The following KCNH1 variants were observed in gnomAD, a reference collection of about 807,000 sequenced individuals.
The protein encoded by KCNH1 is potassium voltage-gated channel subfamily H member 1, also known as voltage-gated delayed rectifier potassium channel KCNH1.
Under a neutral mutation model 69.2 loss-of-function variants are expected in KCNH1, and 27 were observed. The ratio of observed to expected loss-of-function variants is 0.39; its 90% CI spans 0.29 to 0.54. The LOEUF (loss-of-function observed/expected upper bound fraction) is 0.54. Among genes scored for constraint, KCNH1 ranks in the 20% least tolerant of loss-of-function variants. KCNH1 has a pLI of 0.68. For synonymous variants in KCNH1, 456 were observed against 487.7 expected (o/e 0.93, Z 0.86); for missense variants, 798 against 1,261.6 (o/e 0.63, Z 5.57).
At chr1:211,056,732 G>C (rs1690316565) in intron 5 of KCNH1, among the ~76,000 whole-genome samples, 1 of 152,230 alleles carries the variant, frequency 6.6e-6, no homozygotes, top group Non-Finnish European at 1.5e-5. Context: ...AATAAGGGAA[G>C]AGAATAAGTA....
At position 210,818,334 on chromosome 1, in the gene KCNH1, T is replaced by A. The variant is rs1558482440; in HGVS notation, c.1463-14168A>T. 2.0e-5 allele frequency among the ~76,000 whole-genome samples: 3 copies of A among 152,140 alleles called. No homozygotes were observed. In the South Asian group the frequency reaches 6.2e-4, roughly 32 times the overall value. ...GTCTTATAAGCCTACATATTTCTCA[T>A]TCACAAAGATTTTAATCAGGTAGGA... On this transcript the variant is annotated intron_variant, in intron 7 of 10. Coordinates refer to ENST00000271751, the MANE Select transcript of KCNH1 (RefSeq NM_172362.3).
chr1:210,957,392 T>G (rs1287279852), intron 6 of KCNH1, among the ~76,000 whole-genome samples: 1 of 152,188 alleles, frequency 6.6e-6, no homozygotes, highest in Non-Finnish European at 1.5e-5. Context: ...TATATTCTGT[T>G]GATTTGGGGT....
At chr1:210,950,650 G>C (rs1688048236) in intron 6 of KCNH1, among the ~76,000 whole-genome samples, 1 of 151,870 alleles carries the variant, frequency 6.6e-6, no homozygotes. Context: ...CCAAGTCTTT[G>C]CTATCAGTTT....
chr1:210,856,899 A>ATATATATATATATATAT (rs57245090), intron 7 of KCNH1, among the ~76,000 whole-genome samples: 9 of 121,732 alleles, frequency 7.4e-5, no homozygotes, highest in Non-Finnish European at 1.1e-4. Context: ...ATATATATAT[A>ATATATATATATATATAT]AAATACTCAT....
At chr1:210,982,815 T>A (rs573473376) in intron 6 of KCNH1, among the ~76,000 whole-genome samples, 9 of 152,326 alleles carry the variant, frequency 5.9e-5, no homozygotes, top group Admixed American at 2.6e-4. Context: ...AAATGGTATT[T>A]CTAGTTCTAG....
chr1:211,067,430 G>C (rs1245991362), intron 5 of KCNH1, among the ~76,000 whole-genome samples: 1 of 152,130 alleles, frequency 6.6e-6, no homozygotes, highest in Non-Finnish European at 1.5e-5. Flanking sequence ...CCCTATATGG[G>C]ACTTATCTAG....
chr1:211,049,816 A>G (rs1690163125), intron 5 of KCNH1, among the ~76,000 whole-genome samples: 3 of 152,200 alleles, frequency 2.0e-5, no homozygotes, highest in Admixed American at 2.0e-4. Flanking sequence ...AGACCTGGCC[A>G]ATCCACTATG....
At chr1:210,861,787 C>A in intron 7 of KCNH1, 1 of 768,642 alleles carries the variant, frequency 1.3e-6, no homozygotes, top group Non-Finnish European at 2.4e-6. Flanking sequence ...TACCAATGGA[C>A]TCCACTCCTC....
chr1:210,827,417 CA>C (rs1399739976), intron 7 of KCNH1, among the ~76,000 whole-genome samples: 1 of 152,172 alleles, frequency 6.6e-6, no homozygotes, highest in Non-Finnish European at 1.5e-5. Flanking sequence ...CTAATTTTAT[CA>C]CACAGCAAAC....
chr1:210,816,699 A>G (rs552161470), intron 7 of KCNH1, among the ~76,000 whole-genome samples: 11 of 152,224 alleles, frequency 7.2e-5, no homozygotes, highest in Non-Finnish European at 1.6e-4. Flanking sequence ...AGTCATCAAG[A>G]GGAATCTAAT....
intron 10 of KCNH1, among the ~76,000 whole-genome samples, chr1:210,712,537 C>A (rs925183597): frequency 9.9e-5 from 15 of 152,184 alleles, no homozygotes; most frequent in Non-Finnish European, 7.4e-5. Flanking sequence ...TCTGTTCTTT[C>A]CAGCATGAAA....
chr1:210,938,616 T>C (rs1315022960), intron 6 of KCNH1, among the ~76,000 whole-genome samples: 6 of 152,180 alleles, frequency 3.9e-5, no homozygotes, highest in Admixed American at 3.9e-4. Flanking sequence ...TCTTTAGTCA[T>C]ACCAGATTAT....
chr1:211,050,659 A>T (rs541268852), intron 5 of KCNH1, among the ~76,000 whole-genome samples: 1 of 152,166 alleles, frequency 6.6e-6, no homozygotes, highest in African/African-American at 2.4e-5. Flanking sequence ...TAATCTTGAA[A>T]TCTTCAGTTG....
intron 10 of KCNH1, among the ~76,000 whole-genome samples, chr1:210,698,244 G>A (rs557466697): frequency 6.6e-6 from 1 of 152,154 alleles, no homozygotes; most frequent in Non-Finnish European, 1.5e-5. Flanking sequence ...TCTTGGTTGG[G>A]GAGGAGGCAG....
intron 10 of KCNH1, among the ~76,000 whole-genome samples, chr1:210,718,770 A>G (rs989008444): frequency 6.6e-6 from 1 of 150,926 alleles, no homozygotes; most frequent in East Asian, 1.9e-4. Context: ...GACTAGCTAC[A>G]TTTCAAGTAC....
intron 5 of KCNH1, among the ~76,000 whole-genome samples, chr1:211,042,326 T>G (rs534001350): frequency 6.6e-6 from 1 of 152,286 alleles, no homozygotes; most frequent in South Asian, 2.1e-4. Flanking sequence ...TATAGATGTC[T>G]CTCTTACTAG....
intron 6 of KCNH1, among the ~76,000 whole-genome samples, chr1:210,971,945 T>C (rs1035166150): frequency 6.6e-6 from 1 of 152,108 alleles, no homozygotes; most frequent in Admixed American, 6.6e-5. Context: ...AACAAATACA[T>C]GTGATGAGTA....
intron 6 of KCNH1, among the ~76,000 whole-genome samples, chr1:210,972,922 G>T (rs1373370016): frequency 4.4e-5 from 4 of 90,996 alleles, no homozygotes; most frequent in South Asian, 4.0e-4. Context: ...ACTACCAAAC[G>T]TCTCAAAAAA....
chr1:210,735,232 C>G (rs1203072772), intron 10 of KCNH1, among the ~76,000 whole-genome samples: 1 of 152,056 alleles, frequency 6.6e-6, no homozygotes, highest in East Asian at 1.9e-4. Flanking sequence ...ACTTGTGAGC[C>G]CCCCTGCCTC....
Sources: allele counts gnomAD v4.1 joint callset (sites outside exome capture counted in the v4.1 genomes callset), GRCh38; gene constraint gnomAD v4.1.1; transcripts MANE v1.5; gene names NCBI Gene and HGNC (gene_info 2026-07-23, HGNC 2026-07-21).